The following RBFOX1 variants were observed in gnomAD, a reference collection of about 807,000 sequenced individuals.
RBFOX1 encodes RNA binding fox-1 homolog 1, also known as RNA binding protein fox-1 homolog 1.
Under a neutral mutation model 57.7 loss-of-function variants are expected in RBFOX1, and 8 were observed. That is an observed-to-expected ratio of 0.14 (90% CI 0.08 to 0.25). The LOEUF (loss-of-function observed/expected upper bound fraction) is 0.25. Among genes scored for constraint, RBFOX1 ranks in the 10% least tolerant of loss-of-function variants. The pLI, the probability that RBFOX1 is intolerant of heterozygous loss-of-function variation, is 1.00. For missense variants in RBFOX1, 611 were observed against 548.5 expected, an observed-to-expected ratio of 1.11 and a Z score of -1.14; for synonymous variants, 326 against 222.4, an observed-to-expected ratio of 1.47 and a Z score of -4.15.
chr16:6,419,211 C>T (rs2093707853), intron 2 of RBFOX1, among the ~76,000 whole-genome samples: 1 of 152,070 alleles, frequency 6.6e-6, no homozygotes, highest in African/African-American at 2.4e-5. Context: ...TTCGAATGCC[C>T]CCTCCTTTTT....
At chr16:6,672,876 C>G (rs928751452) in intron 3 of RBFOX1, among the ~76,000 whole-genome samples, 1 of 152,106 alleles carries the variant, frequency 6.6e-6, no homozygotes, top group Non-Finnish European at 1.5e-5. Context: ...CACTTGCCCC[C>G]TTTCCCAAGA....
intron 2 of RBFOX1, among the ~76,000 whole-genome samples, chr16:6,551,049 G>T (rs950816981): frequency 2.6e-5 from 4 of 152,118 alleles, no homozygotes; most frequent in African/African-American, 9.7e-5. Flanking sequence ...GTTTCTCTTG[G>T]GGGCCCCAGG....
chr16:5,874,939 C>A (rs2057566632), intron 4 of RBFOX1, among the ~76,000 whole-genome samples: 1 of 152,014 alleles, frequency 6.6e-6, no homozygotes, highest in South Asian at 2.1e-4. Context: ...GAGCAAGACC[C>A]CGTCCCCCAT....
chr16:6,395,842 G>A (rs1010002393), intron 2 of RBFOX1, among the ~76,000 whole-genome samples: 4 of 151,966 alleles, frequency 2.6e-5, no homozygotes, highest in Admixed American at 2.6e-4. Flanking sequence ...GAGGCAGGTG[G>A]ATTGCCTGAG....
intron 2 of RBFOX1, among the ~76,000 whole-genome samples, chr16:5,480,204 G>T (rs2069478132): frequency 6.6e-6 from 1 of 152,128 alleles, no homozygotes; most frequent in Non-Finnish European, 1.5e-5. Flanking sequence ...TCCCTGCTGT[G>T]CTCTGTAGAA....
chr16:7,484,039 C>G (rs891291771), intron 4 of RBFOX1, among the ~76,000 whole-genome samples: 8 of 152,172 alleles, frequency 5.3e-5, no homozygotes, highest in Admixed American at 6.5e-5. Flanking sequence ...TATTAATCAG[C>G]TTTCTGTCCC....
At chr16:5,806,752 A>G (rs2055241535) in intron 3 of RBFOX1, among the ~76,000 whole-genome samples, 4 of 152,216 alleles carry the variant, frequency 2.6e-5, no homozygotes. Flanking sequence ...ATGCCCCGGG[A>G]TAAGCTTCCC....
rs2048596390 is a variant in RBFOX1, at chr16:5,633,789, G to T, written c.318+34828G>T. ...CTCAGGAGGCTGAGGCAGGAGAATG[G>T]CTAGAACCCAGGAGGCGGAGGCCAC... On this transcript the variant is annotated intron_variant, in intron 3 of 19. Transcript: ENST00000641259. 2.0e-5 allele frequency among the ~76,000 whole-genome samples: 3 copies of T among 151,824 alleles called. No individual in the cohort carries two copies. In the South Asian group the frequency reaches 6.2e-4, roughly 32 times the overall value.
At chr16:6,953,925 C>T (rs1430909503) in intron 3 of RBFOX1, among the ~76,000 whole-genome samples, 2 of 152,162 alleles carry the variant, frequency 1.3e-5, no homozygotes, top group South Asian at 2.1e-4. Flanking sequence ...CTAATTGCAT[C>T]TCTTTCCTGA....
chr16:6,910,865 T>C lies in RBFOX1; in HGVS notation c.-15-141192T>C, dbSNP rs191632271. On this transcript the variant is annotated intron_variant, in intron 3 of 15. Transcript: ENST00000550418. The stretch of plus-strand genomic sequence containing the variant: ...CCAGAAGAATGCCTCCATTTCATGC[T>C]GGTCTTTATACCTTTGCCTTCCTTG... Among the ~76,000 whole-genome samples, 4 of 152,326 alleles carry C rather than the reference T, an allele frequency of 2.6e-5. No individual in the cohort carries two copies. In the East Asian group the frequency reaches 7.7e-4, roughly 29 times the overall value.
chr16:7,600,093 C>A (rs2094930696), intron 9 of RBFOX1, among the ~76,000 whole-genome samples: 1 of 152,086 alleles, frequency 6.6e-6, no homozygotes, highest in Admixed American at 6.5e-5. Flanking sequence ...GTGTTCCTGC[C>A]AGATTTTGGC....
intron 2 of RBFOX1, among the ~76,000 whole-genome samples, chr16:6,595,053 C>G (rs1478145965): frequency 6.6e-6 from 1 of 152,178 alleles, no homozygotes; most frequent in Non-Finnish European, 1.5e-5. Context: ...TCCCAAAGTG[C>G]TGGGATTACA....
chr16:6,693,339 C>G (rs1459952452), intron 3 of RBFOX1, among the ~76,000 whole-genome samples: 1 of 151,184 alleles, frequency 6.6e-6, no homozygotes, highest in African/African-American at 2.4e-5. Flanking sequence ...CATCATCCGT[C>G]TCCACTAGCA....
Position 7,710,844 on chromosome 16 carries a change from TAAAAAA to T in RBFOX1, c.*108_*113del. 2 of 826,720 alleles carry T rather than the reference TAAAAAA, an allele frequency of 2.4e-6. No homozygotes were observed. The highest frequency in any genetic ancestry group is 3.2e-6 in the Non-Finnish European group (2 of 620,370). The allele number at this position is 826,720 out of a possible 1,614,324, so 51.2% of individuals were successfully genotyped here. A position where few individuals can be genotyped will look rare whatever the true frequency, so the allele number is the denominator to read the frequency against. ...CAGTAGTACATCATTTTAGCAACTC[TAAAAAA>T]AAAAAAAATACAAATAAAAAGGAAA... On this transcript the variant is annotated 3_prime_UTR_variant, in exon 16 of 16. Transcript: ENST00000550418.
chr16:6,980,990 C>T (rs1426462301), intron 3 of RBFOX1, among the ~76,000 whole-genome samples: 1 of 141,058 alleles, frequency 7.1e-6, no homozygotes, highest in Non-Finnish European at 1.5e-5. Context: ...TTGCAGTCTG[C>T]CGAGATCACG....
chr16:7,002,143 A>G (rs1035541603), intron 3 of RBFOX1, among the ~76,000 whole-genome samples: 1 of 151,886 alleles, frequency 6.6e-6, no homozygotes, highest in Non-Finnish European at 1.5e-5. Flanking sequence ...AGGTGAGTCT[A>G]GGGTTATTGT....
intron 4 of RBFOX1, chr16:7,510,027 C>A (rs1600428561): frequency 8.0e-6 from 3 of 373,786 alleles, no homozygotes; most frequent in Middle Eastern, 1.3e-3. Flanking sequence ...CGCTGTGAAA[C>A]TGAGAGTAGG....
At chr16:5,853,460 A>G (rs1383300456) in intron 3 of RBFOX1, among the ~76,000 whole-genome samples, 1 of 152,180 alleles carries the variant, frequency 6.6e-6, no homozygotes, top group Non-Finnish European at 1.5e-5. Flanking sequence ...TCTCAGCCTG[A>G]GTCGGACACA....
chr16:6,712,042 A>G (rs2063804239), intron 3 of RBFOX1, among the ~76,000 whole-genome samples: 1 of 152,218 alleles, frequency 6.6e-6, no homozygotes, highest in African/African-American at 2.4e-5. Flanking sequence ...ACTATATGGT[A>G]AAGTCCATCA....
Sources: gnomAD v4.1 joint callset for allele counts (sites outside exome capture counted in the v4.1 genomes callset) on GRCh38, gnomAD v4.1.1 for gene constraint, MANE v1.5 for transcripts, NCBI Gene and HGNC (gene_info 2026-07-23, HGNC 2026-07-21) for gene names.